CDYL2: variants seen among roughly 807,000 people sequenced by gnomAD.
The protein encoded by CDYL2 is chromodomain Y-like protein 2.
CDYL2 carries 23 observed loss-of-function variants against 49.4 expected under a neutral mutation model. The ratio of observed to expected loss-of-function variants is 0.47; its 90% CI spans 0.34 to 0.66. The LOEUF is 0.66. Among genes scored for constraint, CDYL2 ranks in the 30% least tolerant of loss-of-function variants. The pLI is 0.01. For missense variants in CDYL2, 678 were observed against 656.4 expected (o/e 1.03, Z -0.36); for synonymous variants, 360 against 268.8 (o/e 1.34, Z -3.32).
chr16:80,676,768 C>A (rs560344791), intron 2 of CDYL2, among the ~76,000 whole-genome samples: 1 of 152,144 alleles, frequency 6.6e-6, no homozygotes, highest in Non-Finnish European at 1.5e-5. Flanking sequence ...ATACTGACCT[C>A]GTCACAGGAG....
chr16:80,754,567 T>G (rs936339340), intron 1 of CDYL2, among the ~76,000 whole-genome samples: 4 of 152,148 alleles, frequency 2.6e-5, no homozygotes, highest in African/African-American at 4.8e-5. Flanking sequence ...ATGAAGGCAG[T>G]CTAGCGTCCA....
chr16:80,722,442 G>C (rs1171063730), intron 1 of CDYL2, among the ~76,000 whole-genome samples: 1 of 152,176 alleles, frequency 6.6e-6, no homozygotes, highest in African/African-American at 2.4e-5. Flanking sequence ...AACTCACCCT[G>C]ATCTCCCAAA....
At chr16:80,710,497 CGTGT>C (rs1436263080) in intron 1 of CDYL2, among the ~76,000 whole-genome samples, 1 of 152,068 alleles carries the variant, frequency 6.6e-6, no homozygotes, top group South Asian at 2.1e-4. Context: ...CGTGGATGTG[CGTGT>C]GTTTGTGTGC....
chr16:80,663,725 T>C (rs972640473), intron 2 of CDYL2, among the ~76,000 whole-genome samples: 12 of 152,162 alleles, frequency 7.9e-5, no homozygotes, highest in African/African-American at 2.9e-4. Context: ...CCCAAGTAGC[T>C]AGAATTACAG....
intron 1 of CDYL2, among the ~76,000 whole-genome samples, chr16:80,759,102 CTATA>C (rs59240300): frequency 0.21 from 13,027 of 63,256 alleles, 1,286 homozygotes; most frequent in Middle Eastern, 0.29. Flanking sequence ...AAACCATATA[CTATA>C]TATATATATA....
intron 1 of CDYL2, among the ~76,000 whole-genome samples, chr16:80,776,042 C>T (rs889531047): frequency 5.3e-5 from 8 of 151,620 alleles, no homozygotes; most frequent in Non-Finnish European, 1.0e-4. Flanking sequence ...AAGTTATATG[C>T]AACAAAAAAA....
At chr16:80,776,840 CAG>C (rs1907100569) in intron 1 of CDYL2, among the ~76,000 whole-genome samples, 1 of 150,130 alleles carries the variant, frequency 6.7e-6, no homozygotes, top group African/African-American at 2.5e-5. Flanking sequence ...TTTTTGGAGA[CAG>C]AGTCTCCCTC....
chr16:80,697,604 T>G (rs1394730602), intron 1 of CDYL2, among the ~76,000 whole-genome samples: 1 of 152,150 alleles, frequency 6.6e-6, no homozygotes, highest in Admixed American at 6.5e-5. Flanking sequence ...ATAAGGGGCA[T>G]GCAAACTGGA....
intron 1 of CDYL2, among the ~76,000 whole-genome samples, chr16:80,799,744 C>G (rs893903415): frequency 6.6e-6 from 1 of 152,214 alleles, no homozygotes; most frequent in Non-Finnish European, 1.5e-5. Context: ...TGAAAATAAG[C>G]TGATGCCTGC....
chr16:80,625,969 T>C (rs1212971041), intron 3 of CDYL2, among the ~76,000 whole-genome samples: 1 of 152,046 alleles, frequency 6.6e-6, no homozygotes, highest in Non-Finnish European at 1.5e-5. Flanking sequence ...AGAAACTATA[T>C]TCAGAAACAA....
intron 3 of CDYL2, among the ~76,000 whole-genome samples, chr16:80,622,576 C>T (rs955280777): frequency 6.6e-6 from 1 of 152,176 alleles, no homozygotes; most frequent in Non-Finnish European, 1.5e-5. Flanking sequence ...AGTGTATACT[C>T]AGAGCCTAGC....
intron 2 of CDYL2, among the ~76,000 whole-genome samples, chr16:80,684,152 C>T (rs1049116738): frequency 2.0e-5 from 3 of 152,198 alleles, no homozygotes; most frequent in Non-Finnish European, 4.4e-5. Flanking sequence ...AAGGGCTCTG[C>T]ACTGTGCCCT....
At position 80,604,154 on chromosome 16, in the gene CDYL2, GAC is replaced by G; in HGVS notation, c.*232_*233del. On this transcript the variant is annotated 3_prime_UTR_variant, in exon 7 of 7. Transcript: ENST00000570137. ...GGAGCCCTGGGAAGATACAGCCTTG[GAC>G]AGCTCTCTGGCCAGGAAGGGCAGGG... 1 of 569,022 alleles carries G rather than the reference GAC, an allele frequency of 1.8e-6. No individual in the cohort carries two copies. The highest frequency in any genetic ancestry group is 3.1e-6 in the Non-Finnish European group (1 of 319,156). 35.2% of individuals were successfully genotyped at this position (569,022 alleles called of 1,614,324 possible). A position where few individuals can be genotyped will look rare whatever the true frequency, so the allele number is the denominator to read the frequency against.
intron 3 of CDYL2, among the ~76,000 whole-genome samples, chr16:80,632,339 T>C (rs560186840): frequency 1.3e-5 from 2 of 152,206 alleles, no homozygotes; most frequent in Non-Finnish European, 1.5e-5. Flanking sequence ...CACGTTTCCA[T>C]TGATACAAAC....
rs980180168 is a variant in CDYL2 at position 80,694,154 on chromosome 16, A to G, written c.25-9025T>C. ...ATCATCAGGCATTAGTTAGATTCTC[A>G]TAAGAAACACGCAACCCAAATCCCT... On this transcript the variant is annotated intron_variant, in intron 1 of 6. Transcript: ENST00000570137. Among the ~76,000 whole-genome samples, 12 of 152,152 alleles carry G rather than the reference A, an allele frequency of 7.9e-5. No homozygotes were observed. The East Asian group carries it at 2.3e-3, about 29-fold the overall frequency.
chr16:80,733,886 T>C (rs1038209544), intron 1 of CDYL2, among the ~76,000 whole-genome samples: 2 of 152,140 alleles, frequency 1.3e-5, no homozygotes, highest in Non-Finnish European at 2.9e-5. Context: ...AAATATAAAT[T>C]GTATTGTCTT....
intron 4 of CDYL2, among the ~76,000 whole-genome samples, chr16:80,616,549 T>C (rs1906834731): frequency 1.3e-5 from 2 of 152,144 alleles, no homozygotes; most frequent in Admixed American, 6.5e-5. Context: ...ACCAGAGGCA[T>C]GGAGGAGAAC....
At chr16:80,719,476 T>C (rs1346706523) in intron 1 of CDYL2, among the ~76,000 whole-genome samples, 1 of 152,194 alleles carries the variant, frequency 6.6e-6, no homozygotes, top group African/African-American at 2.4e-5. Context: ...TACATCATCA[T>C]GGAGGAATAG....
intron 3 of CDYL2, among the ~76,000 whole-genome samples, chr16:80,626,414 A>G (rs575607672): frequency 2.0e-4 from 31 of 152,264 alleles, no homozygotes; most frequent in Middle Eastern, 6.8e-3. Flanking sequence ...GTAGCAGGCA[A>G]TAATATTGTA....
Sources: gnomAD v4.1 joint callset for allele counts (sites outside exome capture counted in the v4.1 genomes callset) on GRCh38, gnomAD v4.1.1 for gene constraint, MANE v1.5 for transcripts, NCBI Gene and HGNC (gene_info 2026-07-23, HGNC 2026-07-21) for gene names.